Variants in VPS26B observed in about 807,000 individuals in gnomAD.
The protein encoded by VPS26B is vacuolar protein sorting-associated protein 26B.
VPS26B carries 10 observed loss-of-function variants against 33.3 expected under a neutral mutation model. That is an observed-to-expected ratio of 0.30 (90% CI 0.19 to 0.51). VPS26B has a LOEUF of 0.51. VPS26B is among the 20% of genes least tolerant of loss of function. The pLI is 0.98. For synonymous variants in VPS26B, 190 were observed against 176.9 expected, an observed-to-expected ratio of 1.07 and a Z score of -0.59; for missense variants, 317 against 452.7, an observed-to-expected ratio of 0.70 and a Z score of 2.72.
intron 1 of VPS26B, among the ~76,000 whole-genome samples, chr11:134,226,276 C>CTTG (rs2136044022): frequency 6.6e-6 from 1 of 152,212 alleles, no homozygotes; most frequent in Admixed American, 6.5e-5. Flanking sequence ...CGTGGTGGTG[C>CTTG]TTGCCGGTAG....
At chr11:134,238,132 G>A (rs1343014486) in intron 2 of VPS26B, among the ~76,000 whole-genome samples, 1 of 152,134 alleles carries the variant, frequency 6.6e-6, no homozygotes, top group Non-Finnish European at 1.5e-5. Flanking sequence ...TCCCTTTCCA[G>A]ACAATCACAT....
intron 3 of VPS26B, 88 bp from the exon 4 acceptor site, chr11:134,243,031 C>G: frequency 1.5e-6 from 2 of 1,362,114 alleles, no homozygotes; most frequent in East Asian, 4.6e-5. Context: ...TTAACCAGCA[C>G]GCTTGGCCGT....
chr11:134,235,925 CT>C (rs1199073618), intron 2 of VPS26B, among the ~76,000 whole-genome samples: 1 of 152,202 alleles, frequency 6.6e-6, no homozygotes, highest in Non-Finnish European at 1.5e-5. Context: ...TTGATACCAT[CT>C]CATAAGATCG....
rs1358967469 is a variant in VPS26B at position 134,244,550 on chromosome 11, C to G, written c.722-388C>G. 5.9e-6 allele frequency: 1 copy of G among 169,018 alleles called. No homozygotes were observed. The highest frequency in any genetic ancestry group is 6.1e-5 in the Admixed American group (1 of 16,302). 10.5% of individuals were successfully genotyped at this position (169,018 alleles called of 1,614,324 possible). ...GAGGATGTATTTTGGGGGGCATACA[C>G]TGAGGATGGAGAAAGATGGCATCAG... On this transcript the variant is annotated intron_variant, in intron 4 of 5. Coordinates refer to ENST00000281187, the MANE Select transcript of VPS26B (RefSeq NM_052875.5). This position sits in a 1 kb window ranked among gnomAD's most constrained non-coding sequence, Gnocchi z 4.0.
In VPS26B at chr11:134,225,007, C is replaced by G; in HGVS notation, c.-116C>G. 1 of 984,234 alleles carries G rather than the reference C, an allele frequency of 1.0e-6. No homozygotes were observed. Among genetic ancestry groups the G allele is most frequent in the South Asian group, 2.7e-5 (1 of 37,388 alleles). 61.0% of individuals were successfully genotyped at this position (984,234 alleles called of 1,614,324 possible). A position where few individuals can be genotyped will look rare whatever the true frequency, so the allele number is the denominator to read the frequency against. ...GCGGCAGCGGCGGAGCCAGGCAGCC[C>G]CGCGGCGGCCGAGCGCGCTCGCGCA... On this transcript the variant is annotated 5_prime_UTR_variant, in exon 1 of 6. Transcript: ENST00000281187.
intron 1 of VPS26B, among the ~76,000 whole-genome samples, chr11:134,225,924 A>G (rs996962628): frequency 1.3e-5 from 2 of 152,198 alleles, no homozygotes; most frequent in African/African-American, 4.8e-5. Flanking sequence ...ATGTTTCCAG[A>G]AAGAAGACCC....
At position 134,243,115 on chromosome 11, in the gene VPS26B, C is replaced by T. The variant is rs1418262812; in HGVS notation, c.546-4C>T. 6.2e-7 allele frequency: 1 copy of T among 1,614,068 alleles called. No individual in the cohort carries two copies. The highest frequency in any genetic ancestry group is 8.5e-7 in the Non-Finnish European group (1 of 1,179,960). On this transcript the variant is annotated splice_region_variant and splice_polypyrimidine_tract_variant and intron_variant, in intron 3 of 5. Transcript: ENST00000281187. ...TCTTACTTTCTGTACTTTCTGTTCC[C>T]CAGATACCACTTGAAAGATGTCATT...
chr11:134,237,719 C>T (rs571303711), intron 2 of VPS26B, among the ~76,000 whole-genome samples: 12 of 152,212 alleles, frequency 7.9e-5, no homozygotes, highest in African/African-American at 2.6e-4. Context: ...AAGTGTTTCA[C>T]GGGACGCAGA....
chr11:134,226,769 C>T (rs955353385), intron 1 of VPS26B, among the ~76,000 whole-genome samples: 6 of 152,232 alleles, frequency 3.9e-5, no homozygotes, highest in African/African-American at 1.4e-4. Context: ...GCAGGAAACA[C>T]GGAGACACAG....
intron 1 of VPS26B, among the ~76,000 whole-genome samples, chr11:134,234,446 C>T (rs1938601931): frequency 6.6e-6 from 1 of 152,224 alleles, no homozygotes; most frequent in Admixed American, 6.5e-5. Flanking sequence ...GTTAAGCATG[C>T]TGTGCCTGGG....
At chr11:134,239,610 G>A in intron 2 of VPS26B, 2 of 209,546 alleles carry the variant, frequency 9.5e-6, no homozygotes, top group South Asian at 8.4e-5. Context: ...GTTAGCTGAT[G>A]AAATAAAACC....
intron 1 of VPS26B, among the ~76,000 whole-genome samples, chr11:134,226,688 T>C (rs1938480228): frequency 1.3e-5 from 2 of 152,230 alleles, no homozygotes. Context: ...AGAGACTTCC[T>C]TGGGGAATCT....
At chr11:134,233,886 C>T (rs187961370) in intron 1 of VPS26B, among the ~76,000 whole-genome samples, 254 of 152,266 alleles carry the variant, frequency 1.7e-3, no homozygotes, top group African/African-American at 5.9e-3. Context: ...TATAAGCAAA[C>T]ATAAAATAAT....
At chr11:134,230,449 G>T (rs1938540311) in intron 1 of VPS26B, among the ~76,000 whole-genome samples, 1 of 152,184 alleles carries the variant, frequency 6.6e-6, no homozygotes, top group Admixed American at 6.5e-5. Context: ...TTTGGTGGTT[G>T]AGCAGCTGAG....
chr11:134,236,378 G>A (rs1391886853), intron 2 of VPS26B: 1 of 152,038 alleles, frequency 6.6e-6, no homozygotes, highest in African/African-American at 2.4e-5. Flanking sequence ...CAGAAAGAAA[G>A]GTGTTGAAAC....
chr11:134,236,160 T>TAAA (rs1565356872), intron 2 of VPS26B, among the ~76,000 whole-genome samples: 5 of 151,886 alleles, frequency 3.3e-5, no homozygotes, highest in African/African-American at 1.2e-4. Flanking sequence ...AAAAAAAAAT[T>TAAA]TTTTTAATTT....
At position 134,243,086 on chromosome 11, in the gene VPS26B, A is replaced by G. The variant is rs989218645; in HGVS notation, c.546-33A>G. 11 of 1,611,410 alleles carry G rather than the reference A, an allele frequency of 6.8e-6. No individual in the cohort carries two copies. The African/African-American group carries it at 1.5e-4, about 22-fold the overall frequency. On this transcript the variant is annotated intron_variant, in intron 3 of 5. Transcript: ENST00000281187. Reference sequence around the variant, plus strand: ...AACAGAAAGGTCTGGCCACAGTACCAACATCTTACTTTCTGTACTTTCTGT... The same window carrying G: ...AACAGAAAGGTCTGGCCACAGTACCGACATCTTACTTTCTGTACTTTCTGT...
chr11:134,243,394 G>A, intron 4 of VPS26B, 100 bp downstream of exon 4: 2 of 1,389,590 alleles, frequency 1.4e-6, no homozygotes, highest in Non-Finnish European at 2.0e-6. Flanking sequence ...AAAATAAGAT[G>A]TCCTCTTAAC....
intron 1 of VPS26B, among the ~76,000 whole-genome samples, chr11:134,233,923 A>C (rs1034175182): frequency 7.1e-6 from 1 of 141,022 alleles, no homozygotes; most frequent in Non-Finnish European, 1.5e-5. Flanking sequence ...GCATGAACTT[A>C]TCATCAAAAA....
Sources: gnomAD v4.1 joint callset for allele counts (sites outside exome capture counted in the v4.1 genomes callset) on GRCh38, gnomAD v4.1.1 for gene constraint, Gnocchi (gnomAD v3.1) non-coding constraint, MANE v1.5 for transcripts, NCBI Gene and HGNC (gene_info 2026-07-23, HGNC 2026-07-21) for gene names.